The following UBE3D variants were observed in gnomAD, a reference collection of about 807,000 sequenced individuals.
UBE3D encodes E3 ubiquitin-protein ligase E3D.
A neutral mutation model predicts 49.6 loss-of-function variants in UBE3D; 48 were observed. The ratio of observed to expected loss-of-function variants is 0.97; its 90% CI spans 0.77 to 1.23. The LOEUF (loss-of-function observed/expected upper bound fraction) is 1.23, where lower values mean the gene tolerates loss of function less well. Ranked by LOEUF, UBE3D falls within the 50% of genes most tolerant of loss-of-function variation. The pLI is 0.00. For synonymous variants in UBE3D, 189 were observed against 174.2 expected (o/e 1.08, Z -0.67); for missense variants, 452 against 468.4 (o/e 0.96, Z 0.32).
At chr6:82,943,774 C>T (rs1206229332) in intron 9 of UBE3D, among the ~76,000 whole-genome samples, 1 of 151,714 alleles carries the variant, frequency 6.6e-6, no homozygotes, top group Non-Finnish European at 1.5e-5. Context: ...TCCCATTCCC[C>T]CACAGCACCT....
chr6:82,884,357 A>G, the UBE3D span, among the ~76,000 whole-genome samples: 2 of 152,130 alleles, frequency 1.3e-5, no homozygotes, highest in African/African-American at 2.4e-5. Context: ...ATCAGCACCA[A>G]ATGATGCTGG....
At chr6:83,032,330 A>G (rs771943099) in intron 5 of UBE3D, 17 of 453,326 alleles carry the variant, frequency 3.8e-5, no homozygotes, top group Admixed American at 1.2e-4. Context: ...ATGAAGTCAA[A>G]AGAGATCATT....
At chr6:82,912,058 A>G (rs1307030303) in intron 9 of UBE3D, among the ~76,000 whole-genome samples, 2 of 150,942 alleles carry the variant, frequency 1.3e-5, no homozygotes, top group East Asian at 3.9e-4. Context: ...ATTTTTAAGA[A>G]ATTTGTTCTG....
At chr6:82,898,671 C>T (rs945977098) in intron 9 of UBE3D, among the ~76,000 whole-genome samples, 2 of 147,652 alleles carry the variant, frequency 1.4e-5, no homozygotes, top group Non-Finnish European at 3.0e-5. Flanking sequence ...ACACTGGGGT[C>T]TGTTGGGGGG....
At chr6:82,924,995 T>TA (rs1190652172) in intron 9 of UBE3D, 1 of 152,400 alleles carries the variant, frequency 6.6e-6, no homozygotes, top group African/African-American at 2.4e-5. Context: ...CATATGCCCC[T>TA]ACAGATTGAT....
chr6:82,989,622 A>T (rs763455063), intron 8 of UBE3D, among the ~76,000 whole-genome samples: 20 of 152,288 alleles, frequency 1.3e-4, no homozygotes, highest in Non-Finnish European at 2.6e-4. Context: ...TATTTCATTA[A>T]AATTATAAAA....
intron 3 of UBE3D, among the ~76,000 whole-genome samples, chr6:83,049,460 A>G (rs947038481): frequency 6.6e-6 from 1 of 152,220 alleles, no homozygotes; most frequent in African/African-American, 2.4e-5. Flanking sequence ...ATTTTATTCC[A>G]AAAGTTTGTA....
intron 8 of UBE3D, among the ~76,000 whole-genome samples, chr6:82,974,971 T>G (rs1162281835): frequency 6.6e-6 from 1 of 152,104 alleles, no homozygotes; most frequent in Non-Finnish European, 1.5e-5. Context: ...ATGATCTGAA[T>G]AAAAATGCTT....
intron 8 of UBE3D, among the ~76,000 whole-genome samples, chr6:82,979,065 A>G (rs1338818990): frequency 6.6e-6 from 1 of 152,214 alleles, no homozygotes; most frequent in East Asian, 1.9e-4. Context: ...CTGAAACAGT[A>G]TATTCAAAAC....
At chr6:83,027,526 C>T (rs1290493912) in intron 5 of UBE3D, among the ~76,000 whole-genome samples, 1 of 141,652 alleles carries the variant, frequency 7.1e-6, no homozygotes, top group Non-Finnish European at 1.5e-5. Flanking sequence ...ACATATTTAT[C>T]TTAGCCTTAA....
chr6:83,048,448 T>C (rs747593828), intron 3 of UBE3D, among the ~76,000 whole-genome samples: 11 of 152,212 alleles, frequency 7.2e-5, no homozygotes, highest in Non-Finnish European at 1.5e-4. Flanking sequence ...TTTTGTCTCC[T>C]GACATACTGC....
chr6:83,025,694 C>G lies in UBE3D; in HGVS notation c.668-1656G>C, dbSNP rs190061317. On this transcript the variant is annotated intron_variant, in intron 5 of 9. Coordinates refer to ENST00000369747, the MANE Select transcript of UBE3D (RefSeq NM_198920.3). ...GGTCAGGCGTTTGAGACCAGCCTGGCCAACATGGTGAAACCCTGTCTCTAC... is the reference window on the plus strand; with the variant it reads ...GGTCAGGCGTTTGAGACCAGCCTGGGCAACATGGTGAAACCCTGTCTCTAC... 9.9e-3 allele frequency among the ~76,000 whole-genome samples: 1,500 copies of G among 151,872 alleles called. 30 individuals are homozygous for G. Among genetic ancestry groups the G allele is most frequent in the African/African-American group, 0.034 (1,424 of 41,436 alleles).
chr6:83,006,784 T>A (rs1350947900), intron 8 of UBE3D, among the ~76,000 whole-genome samples: 1 of 152,042 alleles, frequency 6.6e-6, no homozygotes, highest in Non-Finnish European at 1.5e-5. Flanking sequence ...GGGTTGTGGT[T>A]TAATGAGTAT....
At chr6:83,059,598 C>A (rs144362302) in intron 1 of UBE3D, among the ~76,000 whole-genome samples, 10 of 152,318 alleles carry the variant, frequency 6.6e-5, no homozygotes, top group African/African-American at 2.4e-4. Context: ...TTCCTAAGTC[C>A]CCATTGCCAC....
At chr6:83,020,811 CTA>C (rs1165044121) in intron 7 of UBE3D, among the ~76,000 whole-genome samples, 1 of 152,160 alleles carries the variant, frequency 6.6e-6, no homozygotes, top group African/African-American at 2.4e-5. Flanking sequence ...CTTTTTGTTA[CTA>C]TGTTTCCCTA....
chr6:83,022,209 T>C (rs1007043713), intron 7 of UBE3D, among the ~76,000 whole-genome samples: 4 of 152,112 alleles, frequency 2.6e-5, no homozygotes, highest in African/African-American at 9.7e-5. Flanking sequence ...GTATTTTTAG[T>C]AGAGATGGGG....
chr6:82,917,913 T>C (rs1352448617), intron 9 of UBE3D, among the ~76,000 whole-genome samples: 1 of 152,216 alleles, frequency 6.6e-6, no homozygotes, highest in Non-Finnish European at 1.5e-5. Flanking sequence ...TTGCTGCTAT[T>C]GTAGCTGTTT....
chr6:83,048,778 C>T (rs1467522236), intron 3 of UBE3D, among the ~76,000 whole-genome samples: 1 of 152,022 alleles, frequency 6.6e-6, no homozygotes, highest in Non-Finnish European at 1.5e-5. Context: ...CATTTAAGAA[C>T]AAAAGATTTT....
intron 8 of UBE3D, among the ~76,000 whole-genome samples, chr6:83,015,037 C>T (rs948109415): frequency 6.8e-4 from 103 of 152,148 alleles, no homozygotes; most frequent in African/African-American, 2.4e-3. Context: ...GGTAGTATGC[C>T]CACCTTGCCT....
Sources: gnomAD v4.1 joint callset for allele counts (sites outside exome capture counted in the v4.1 genomes callset) on GRCh38, gnomAD v4.1.1 for gene constraint, MANE v1.5 for transcripts, NCBI Gene and HGNC (gene_info 2026-07-23, HGNC 2026-07-21) for gene names.